CTNNA3: variants seen among roughly 807,000 people sequenced by gnomAD.
The protein encoded by CTNNA3 is catenin alpha 3.
A neutral mutation model predicts 95.7 loss-of-function variants in CTNNA3; 76 were observed. The observed-to-expected ratio is 0.79, with a 90% CI of 0.66 to 0.96. The LOEUF (loss-of-function observed/expected upper bound fraction) is 0.96, where lower values mean the gene tolerates loss of function less well. CTNNA3 is among the 40% of genes least tolerant of loss of function. The pLI is 0.00. For missense variants in CTNNA3, 1,191 were observed against 1,089.8 expected (o/e 1.09, Z -1.31); for synonymous variants, 431 against 374.4 (o/e 1.15, Z -1.74).
chr10:67,260,128 G>A (rs1024943740), intron 5 of CTNNA3, among the ~76,000 whole-genome samples: 2 of 152,094 alleles, frequency 1.3e-5, no homozygotes, highest in South Asian at 2.1e-4. Context: ...ACCCAATAAC[G>A]GCATCGTTTC....
intron 15 of CTNNA3, among the ~76,000 whole-genome samples, chr10:66,028,992 A>G (rs964728130): frequency 6.6e-6 from 1 of 152,154 alleles, no homozygotes; most frequent in Non-Finnish European, 1.5e-5. Context: ...GAAGAATAGG[A>G]GGTGAAACTT....
At chr10:66,612,341 C>T (rs1227453596) in intron 10 of CTNNA3, among the ~76,000 whole-genome samples, 1 of 152,116 alleles carries the variant, frequency 6.6e-6, no homozygotes, top group Non-Finnish European at 1.5e-5. Flanking sequence ...TCCGAAAGCA[C>T]AGCTGTGATG....
chr10:66,512,109 T>C (rs11596357), intron 11 of CTNNA3, among the ~76,000 whole-genome samples: 23,102 of 151,950 alleles, frequency 0.15, 1,823 homozygotes, highest in Non-Finnish European at 0.17. Flanking sequence ...AATTGATTTT[T>C]TAATCACTAT....
At chr10:66,131,773 A>G (rs761555761) in intron 13 of CTNNA3, among the ~76,000 whole-genome samples, 1 of 152,194 alleles carries the variant, frequency 6.6e-6, no homozygotes, top group African/African-American at 2.4e-5. Flanking sequence ...CTGATCTTCG[A>G]CAAAGTTGAC....
intron 15 of CTNNA3, among the ~76,000 whole-genome samples, chr10:66,005,444 A>T (rs2078860170): frequency 6.6e-6 from 1 of 152,192 alleles, no homozygotes; most frequent in Admixed American, 6.5e-5. Context: ...GACCTATATT[A>T]TTCCAACTTC....
At chr10:66,303,447 A>T (rs1271580853) in intron 12 of CTNNA3, among the ~76,000 whole-genome samples, 1 of 152,172 alleles carries the variant, frequency 6.6e-6, no homozygotes, top group Non-Finnish European at 1.5e-5. Context: ...TTACACAGAC[A>T]ATGCATTTAT....
At chr10:66,236,424 C>T (rs1200804679) in intron 13 of CTNNA3, among the ~76,000 whole-genome samples, 1 of 152,118 alleles carries the variant, frequency 6.6e-6, no homozygotes, top group East Asian at 1.9e-4. Flanking sequence ...CCACAATTAT[C>T]TAAATATTTA....
chr10:66,069,188 T>C lies in CTNNA3; in HGVS notation c.2159+120A>G, dbSNP rs550976775. On this transcript the variant is annotated intron_variant, in intron 15 of 17. Coordinates refer to ENST00000433211, the MANE Select transcript of CTNNA3 (RefSeq NM_013266.4). ...CACCTACAACTTTCTAATACTATAT[T>C]TGCTTTTCCCCTACCACCTGATTTT... 59 of 880,872 alleles carry C rather than the reference T, an allele frequency of 6.7e-5. No homozygotes were observed. The East Asian group carries it at 1.4e-3, about 22-fold the overall frequency. The allele number at this position is 880,872 out of a possible 1,614,324, so 54.6% of individuals were successfully genotyped here.
chr10:66,476,583 C>A (rs538842757), intron 11 of CTNNA3, among the ~76,000 whole-genome samples: 1 of 151,896 alleles, frequency 6.6e-6, no homozygotes, highest in Non-Finnish European at 1.5e-5. Context: ...ATGTATTTAT[C>A]TTATTTGTTA....
chr10:66,616,684 T>C, intron 10 of CTNNA3, among the ~76,000 whole-genome samples: 1 of 152,056 alleles, frequency 6.6e-6, no homozygotes, highest in East Asian at 1.9e-4. Context: ...CACTGAAACC[T>C]ACGTGAATTC....
Position 66,005,146 on chromosome 10 carries a change from TCTC to T in CTNNA3, c.2160-16352_2160-16350del, listed in dbSNP as rs377474034. The stretch of plus-strand genomic sequence containing the variant: ...GCTTCTGTTATCACACTTATGTCCT[TCTC>T]CTTTCTGTTCTCCTGTGCTCTTGAA... On this transcript the variant is annotated intron_variant, in intron 15 of 17. Transcript: ENST00000433211. Among the ~76,000 whole-genome samples, 1,106 of 152,306 alleles carry T rather than the reference TCTC, an allele frequency of 7.3e-3. 18 individuals carry two copies. The highest frequency in any genetic ancestry group is 0.025 in the African/African-American group (1,052 of 41,564).
At chr10:66,301,312 C>T (rs990396465) in intron 12 of CTNNA3, among the ~76,000 whole-genome samples, 4 of 151,928 alleles carry the variant, frequency 2.6e-5, no homozygotes, top group Admixed American at 1.3e-4. Flanking sequence ...GAATACTTTC[C>T]AACTCATTCT....
At chr10:66,275,605 C>T (rs2091378957) in intron 13 of CTNNA3, among the ~76,000 whole-genome samples, 1 of 152,296 alleles carries the variant, frequency 6.6e-6, no homozygotes, top group African/African-American at 2.4e-5. Flanking sequence ...GAGACTTGAA[C>T]TCAGGTCTTC....
At chr10:67,657,778 C>T (rs1029319436) in intron 1 of CTNNA3, among the ~76,000 whole-genome samples, 3 of 133,606 alleles carry the variant, frequency 2.2e-5, no homozygotes, top group African/African-American at 5.8e-5. Context: ...ACCTGGGAGG[C>T]GGAGGTTGCA....
rs1489357834 is a variant in CTNNA3 at position 66,356,889 on chromosome 10, C to T, written c.1732+22263G>A. 4.0e-5 allele frequency among the ~76,000 whole-genome samples: 6 copies of T among 151,804 alleles called. No individual in the cohort carries two copies. In the East Asian group the frequency reaches 1.2e-3, roughly 29 times the overall value. ...ATCATTTGATTTTTCCTTTTTTAGT[C>T]TGTTAATATGGTGGGTTGCAATAAT... On this transcript the variant is annotated intron_variant, in intron 12 of 17. Transcript: ENST00000433211.
At chr10:66,948,082 A>G (rs534333497) in intron 7 of CTNNA3, among the ~76,000 whole-genome samples, 1 of 152,362 alleles carries the variant, frequency 6.6e-6, no homozygotes, top group East Asian at 1.9e-4. Context: ...AAGGTAGGAT[A>G]AAAACACAAT....
At chr10:66,810,108 A>G (rs866211268) in intron 7 of CTNNA3, among the ~76,000 whole-genome samples, 13 of 152,110 alleles carry the variant, frequency 8.5e-5, no homozygotes, top group South Asian at 2.1e-4. Flanking sequence ...AATGTTTTTC[A>G]TGTCTCTGTT....
Position 66,379,315 on chromosome 10 carries a change from TATG to T in CTNNA3, c.1566_1568del (p.Ile523del), listed in dbSNP as rs747411476. The T allele has an allele frequency of 1.9e-6, 3 of 1,614,146 alleles. No homozygotes were observed. In the South Asian group the frequency reaches 3.3e-5, roughly 18 times the overall value. On this transcript the variant is annotated inframe_deletion, in exon 12 of 18. Coordinates refer to ENST00000433211, the MANE Select transcript of CTNNA3 (RefSeq NM_013266.4). ...TATCAGCATCCTGGTCTCTTAAGGC[TATG>T]ATACACTTGTTGACATCTTCCAAGA...
At chr10:67,273,004 A>G (rs892780036) in intron 5 of CTNNA3, among the ~76,000 whole-genome samples, 1 of 152,106 alleles carries the variant, frequency 6.6e-6, no homozygotes, top group Non-Finnish European at 1.5e-5. Context: ...AAAGTCCCAT[A>G]CTACTTATTA....
Sources: allele counts gnomAD v4.1 joint callset (sites outside exome capture counted in the v4.1 genomes callset), GRCh38; gene constraint gnomAD v4.1.1; transcripts MANE v1.5; gene names NCBI Gene and HGNC (gene_info 2026-07-23, HGNC 2026-07-21).